DENND1A: variants seen among roughly 807,000 people sequenced by gnomAD.
DENND1A encodes DENN domain-containing protein 1A.
A neutral mutation model predicts 113.7 loss-of-function variants in DENND1A; 51 were observed. The ratio of observed to expected loss-of-function variants is 0.45; its 90% CI spans 0.36 to 0.57. The LOEUF (loss-of-function observed/expected upper bound fraction) is 0.57, where lower values mean the gene tolerates loss of function less well. Among genes scored for constraint, DENND1A ranks in the 20% least tolerant of loss-of-function variants. DENND1A has a pLI of 0.00. For synonymous variants in DENND1A, 565 were observed against 570.8 expected (o/e 0.99, Z 0.14); for missense variants, 1,258 against 1,395.9 (o/e 0.90, Z 1.57).
intron 1 of DENND1A, among the ~76,000 whole-genome samples, chr9:123,901,389 C>G (rs1438581784): frequency 6.6e-6 from 1 of 152,156 alleles, no homozygotes; most frequent in Admixed American, 6.5e-5. Context: ...TGCCCTCTAC[C>G]CTCCTATTAA....
At chr9:123,586,705 C>T (rs935002068) in intron 11 of DENND1A, among the ~76,000 whole-genome samples, 9 of 152,096 alleles carry the variant, frequency 5.9e-5, no homozygotes, top group African/African-American at 2.2e-4. Flanking sequence ...CCCGGTCCCC[C>T]AAAGGATCAA....
chr9:123,530,134 A>C (rs1293397080), intron 13 of DENND1A, among the ~76,000 whole-genome samples: 1 of 152,214 alleles, frequency 6.6e-6, no homozygotes, highest in Non-Finnish European at 1.5e-5. Flanking sequence ...GAATAAAAAA[A>C]CAAAAAACTA....
chr9:123,888,659 C>T (rs1001132929), intron 1 of DENND1A, among the ~76,000 whole-genome samples: 3 of 152,178 alleles, frequency 2.0e-5, no homozygotes, highest in Admixed American at 6.5e-5. Flanking sequence ...CCTTAATCTT[C>T]AAAAGTGTCA....
intron 2 of DENND1A, among the ~76,000 whole-genome samples, chr9:123,821,143 T>C (rs1358656637): frequency 6.6e-6 from 1 of 152,228 alleles, no homozygotes; most frequent in Non-Finnish European, 1.5e-5. Flanking sequence ...GTAAGTTTTT[T>C]AAAATCTCTT....
intron 2 of DENND1A, among the ~76,000 whole-genome samples, chr9:123,835,754 G>A: frequency 6.6e-6 from 1 of 151,540 alleles, no homozygotes; most frequent in Non-Finnish European, 1.5e-5. Context: ...CACTCCGATA[G>A]AAAAAAATTA....
At chr9:123,795,310 T>A (rs930545483) in intron 2 of DENND1A, among the ~76,000 whole-genome samples, 1 of 152,238 alleles carries the variant, frequency 6.6e-6, no homozygotes, top group African/African-American at 2.4e-5. Context: ...TATTTGAATT[T>A]TCTTAAAATG....
At chr9:123,472,848 C>T (rs983747321) in intron 13 of DENND1A, among the ~76,000 whole-genome samples, 9 of 152,216 alleles carry the variant, frequency 5.9e-5, no homozygotes, top group African/African-American at 1.9e-4. Flanking sequence ...AGTCTCCTGC[C>T]TTTGTGTGTG....
At chr9:123,442,517 T>C (rs1467513295) in intron 18 of DENND1A, among the ~76,000 whole-genome samples, 1 of 151,890 alleles carries the variant, frequency 6.6e-6, no homozygotes, top group Non-Finnish European at 1.5e-5. Context: ...TATGAGAGAA[T>C]GAATAAGGTC....
At chr9:123,866,476 C>G (rs981715736) in intron 2 of DENND1A, among the ~76,000 whole-genome samples, 3 of 152,160 alleles carry the variant, frequency 2.0e-5, no homozygotes, top group African/African-American at 7.2e-5. Context: ...TTCTTTTTAT[C>G]AAGTTGTCAT....
At chr9:123,792,988 A>G (rs1004392263) in intron 2 of DENND1A, among the ~76,000 whole-genome samples, 2 of 152,198 alleles carry the variant, frequency 1.3e-5, no homozygotes, top group African/African-American at 4.8e-5. Context: ...TTGCATAGTT[A>G]CAGATGTGGG....
chr9:123,792,739 A>C (rs1158158461), intron 2 of DENND1A, 109 bp from the exon 3 acceptor site: 25 of 1,250,158 alleles, frequency 2.0e-5, no homozygotes, highest in Non-Finnish European at 2.6e-5. Flanking sequence ...CAGGGGATCC[A>C]AGGGGGGCAG....
At chr9:123,890,849 CA>C (rs1280307477) in intron 1 of DENND1A, among the ~76,000 whole-genome samples, 4 of 152,134 alleles carry the variant, frequency 2.6e-5, no homozygotes, top group Non-Finnish European at 5.9e-5. Flanking sequence ...ATTGTATCCT[CA>C]CAATTACATG....
In DENND1A at chr9:123,380,267, A is replaced by C. The variant is rs2042210200; in HGVS notation, c.*1165T>G. 6.6e-6 allele frequency: 1 copy of C among 152,534 alleles called. No homozygotes were observed. The highest frequency in any genetic ancestry group is 6.5e-5 in the Admixed American group (1 of 15,290). The allele number at this position is 152,534 out of a possible 1,614,324, so 9.4% of individuals were successfully genotyped here. ...TGGTTTATGGAAATGAATCCATTTCAAGATTCATCAAATCAATAAGGTAAA... is the reference window on the plus strand; with the variant it reads ...TGGTTTATGGAAATGAATCCATTTCCAGATTCATCAAATCAATAAGGTAAA... On this transcript the variant is annotated 3_prime_UTR_variant, in exon 24 of 24. Coordinates refer to ENST00000394215, the MANE Select transcript of DENND1A (RefSeq NM_001352964.2).
intron 4 of DENND1A, among the ~76,000 whole-genome samples, chr9:123,758,185 T>C (rs2070740213): frequency 6.6e-6 from 1 of 152,216 alleles, no homozygotes; most frequent in African/African-American, 2.4e-5. Context: ...TAAGGTCAGC[T>C]GATCAGTGGC....
chr9:123,825,580 C>T (rs898495500), intron 2 of DENND1A, among the ~76,000 whole-genome samples: 12 of 152,218 alleles, frequency 7.9e-5, no homozygotes, highest in African/African-American at 2.4e-4. Flanking sequence ...ACAACAGCTG[C>T]CTGGCTTGCA....
intron 2 of DENND1A, among the ~76,000 whole-genome samples, chr9:123,845,091 G>A (rs1352011877): frequency 5.9e-5 from 9 of 151,856 alleles, no homozygotes; most frequent in African/African-American, 1.9e-4. Context: ...ATGCTGGCAC[G>A]CACCTGTAGT....
intron 10 of DENND1A, among the ~76,000 whole-genome samples, chr9:123,619,989 G>A (rs1293630460): frequency 6.6e-6 from 1 of 151,962 alleles, no homozygotes; most frequent in Non-Finnish European, 1.5e-5. Context: ...AAGGTGGGCG[G>A]ATCATTTGAG....
intron 7 of DENND1A, among the ~76,000 whole-genome samples, chr9:123,668,544 C>T (rs978244450): frequency 6.6e-6 from 1 of 152,252 alleles, no homozygotes; most frequent in East Asian, 1.9e-4. Context: ...GTCAAGTAGT[C>T]AGTCAAAGGT....
intron 8 of DENND1A, among the ~76,000 whole-genome samples, chr9:123,660,467 CT>C (rs2063176364): frequency 1.3e-5 from 2 of 150,820 alleles, no homozygotes; most frequent in African/African-American, 4.9e-5. Flanking sequence ...AAAAAAAAAA[CT>C]TCCTAATCTC....
Sources: allele counts gnomAD v4.1 joint callset (sites outside exome capture counted in the v4.1 genomes callset), GRCh38; gene constraint gnomAD v4.1.1; transcripts MANE v1.5; gene names NCBI Gene and HGNC (gene_info 2026-07-23, HGNC 2026-07-21).